CATIP: variants seen among roughly 807,000 people sequenced by gnomAD.
The protein encoded by CATIP is ciliogenesis associated TTC17 interacting protein.
In CATIP, 40 loss-of-function variants were observed where a neutral mutation model predicts 42.5. The observed-to-expected ratio is 0.94, with a 90% CI of 0.73 to 1.22. The LOEUF is 1.22. Among genes scored for constraint, CATIP ranks in the 50% most tolerant of loss-of-function variants. The pLI, the probability that CATIP is intolerant of heterozygous loss-of-function variation, is 0.00. For missense variants in CATIP, 489 were observed against 496.0 expected, an observed-to-expected ratio of 0.99 and a Z score of 0.13; for synonymous variants, 222 against 200.2, an observed-to-expected ratio of 1.11 and a Z score of -0.92.
intron 4 of CATIP, among the ~76,000 whole-genome samples, 174 bp downstream of exon 4, chr2:218,358,266 T>C (rs1695108303): frequency 1.3e-5 from 2 of 152,178 alleles, no homozygotes; most frequent in African/African-American, 2.4e-5. Flanking sequence ...TTCAGAAAAC[T>C]GATTTTAAAA....
Position 218,357,683 on chromosome 2 carries a change from G to A in CATIP, c.268G>A (p.Ala90Thr), listed in dbSNP as rs759205178. Residue 90 changes from alanine (A) to threonine (T), a missense_variant, in exon 3 of 10, where the codon GCC (alanine) becomes ACC (threonine). Ala to Thr is a moderately conservative substitution (Grantham distance 58, BLOSUM62 0). Transcript: ENST00000289388. ...GMLTYCLFVH[A>T]SSRGFLDKML... is the part of the protein sequence containing the mutation. ...GCTGACATACTGCCTCTTCGTGCAT[G>A]CCTCTAGCCGAGGCTTCTTGGACAA... 1 of 1,614,060 alleles carries A rather than the reference G, an allele frequency of 6.2e-7. No individual in the cohort carries two copies. Among genetic ancestry groups the A allele is most frequent in the Non-Finnish European group, 8.5e-7 (1 of 1,180,016 alleles).
At chr2:218,366,915 C>T (rs1695463044) in intron 7 of CATIP, 109 bp from the exon 8 acceptor site, 1 of 842,096 alleles carries the variant, frequency 1.2e-6, no homozygotes, top group South Asian at 1.4e-5. Flanking sequence ...ATGACCTCCC[C>T]AAAGCCCCTA....
At chr2:218,366,189 T>C (rs1695430970) in intron 7 of CATIP, 1 of 152,246 alleles carries the variant, frequency 6.6e-6, no homozygotes, top group African/African-American at 2.4e-5. Flanking sequence ...AGGGATGCAA[T>C]CTTGGCTCAC....
intron 6 of CATIP, among the ~76,000 whole-genome samples, chr2:218,363,916 C>T (rs1359001348): frequency 6.6e-6 from 1 of 152,118 alleles, no homozygotes; most frequent in African/African-American, 2.4e-5. Flanking sequence ...AAGGGTGTTC[C>T]GTTTTTGTTT....
Position 218,367,020 on chromosome 2 carries a change from C to T in CATIP, c.756-4C>T, listed in dbSNP as rs1326741134. On this transcript the variant is annotated splice_polypyrimidine_tract_variant and splice_region_variant and intron_variant, in intron 7 of 9. Coordinates refer to ENST00000289388, the MANE Select transcript of CATIP (RefSeq NM_198559.2). Reference sequence around the variant, plus strand: ...TCACTCTCACATGTTGTGTTGCACTCCAGGCACCTGGCCAAGAGAATACAG... The same window carrying T: ...TCACTCTCACATGTTGTGTTGCACTTCAGGCACCTGGCCAAGAGAATACAG... 6.2e-7 allele frequency: 1 copy of T among 1,612,878 alleles called. No homozygotes were observed. The highest frequency in any genetic ancestry group is 1.7e-5 in the Admixed American group (1 of 60,016).
At chr2:218,361,217 A>G (rs1695222885) in intron 5 of CATIP, among the ~76,000 whole-genome samples, 1 of 152,078 alleles carries the variant, frequency 6.6e-6, no homozygotes, top group South Asian at 2.1e-4. Flanking sequence ...ACGTAAAAAT[A>G]CAAAAAATTA....
intron 4 of CATIP, among the ~76,000 whole-genome samples, chr2:218,358,839 G>A (rs1362282654): frequency 6.8e-6 from 1 of 147,638 alleles, no homozygotes; most frequent in Admixed American, 6.9e-5. Context: ...AGCAATGTGC[G>A]TGCCACTGTA....
At chr2:218,366,765 A>G (rs2106319192) in intron 7 of CATIP, 2 of 448,744 alleles carry the variant, frequency 4.5e-6, no homozygotes, top group East Asian at 4.6e-5. Context: ...GCTTGCAGAC[A>G]AGTGCCTTCT....
At chr2:218,363,621 G>A (rs1041820289) in intron 6 of CATIP, among the ~76,000 whole-genome samples, 1 of 152,034 alleles carries the variant, frequency 6.6e-6, no homozygotes, top group Non-Finnish European at 1.5e-5. Flanking sequence ...TGGCCAACAT[G>A]GTGAAACCCT....
rs1695077279 is a variant in CATIP at position 218,357,617 on chromosome 2, A to G, written c.202A>G (p.Ile68Val). The G allele has an allele frequency of 6.2e-7, 1 of 1,614,080 alleles. No individual in the cohort carries two copies. Among genetic ancestry groups the G allele is most frequent in the Non-Finnish European group, 8.5e-7 (1 of 1,179,984 alleles). ...CGGGGAGCCTCAGGGAGAGCTGACC[A>G]TTGAGGTGCAGAGAGGGAAATACCA... is the stretch of plus-strand genomic sequence containing the variant. ...DTGEPQGELT[I>V]EVQRGKYQEK... Residue 68 changes from isoleucine (I) to valine (V), a missense_variant, in exon 3 of 10, where the codon ATT (isoleucine) becomes GTT (valine). By Grantham distance (29) the Ile-to-Val change is conservative. Transcript: ENST00000289388.
chr2:218,359,917 C>T (rs567604937), intron 4 of CATIP, among the ~76,000 whole-genome samples: 2 of 152,036 alleles, frequency 1.3e-5, no homozygotes, highest in South Asian at 2.1e-4. Context: ...CTTCACCTTC[C>T]GGGTTCAAGC....
At chr2:218,362,648 C>A in intron 5 of CATIP, 87 bp from the exon 6 acceptor site, 1 of 1,329,624 alleles carries the variant, frequency 7.5e-7, no homozygotes, top group Non-Finnish European at 1.0e-6. Context: ...AAAAACAAAA[C>A]CGTATGCCCA....
intron 4 of CATIP, among the ~76,000 whole-genome samples, chr2:218,359,883 T>C (rs1695175970): frequency 6.6e-6 from 1 of 152,038 alleles, no homozygotes; most frequent in African/African-American, 2.4e-5. Flanking sequence ...TGGAATGCAG[T>C]GGTGCAATCT....
chr2:218,362,391 A>T (rs1182364960), intron 5 of CATIP, among the ~76,000 whole-genome samples: 1 of 149,394 alleles, frequency 6.7e-6, no homozygotes, highest in Non-Finnish European at 1.5e-5. Context: ...TGTAATCCCA[A>T]CACTTTGGGA....
intron 7 of CATIP, chr2:218,365,872 T>C (rs1253691363): frequency 1.3e-5 from 2 of 152,192 alleles, no homozygotes; most frequent in Non-Finnish European, 2.9e-5. Context: ...CTGGAATGTG[T>C]GGCATAATCT....
At chr2:218,360,501 T>C (rs538881275) in intron 4 of CATIP, 72 bp from the exon 5 acceptor site, 67 of 1,158,126 alleles carry the variant, frequency 5.8e-5, no homozygotes, top group Non-Finnish European at 7.7e-5. Context: ...TTCTCATTAA[T>C]GGAGAAGGGT....
chr2:218,367,730 CCGGCT>C lies in CATIP; in HGVS notation c.935_939del (p.Leu312ProfsTer?). 1 of 1,597,434 alleles carries C rather than the reference CCGGCT, an allele frequency of 6.3e-7. No individual in the cohort carries two copies. Among genetic ancestry groups the C allele is most frequent in the Non-Finnish European group, 8.5e-7 (1 of 1,175,274 alleles). On this transcript the variant is annotated frameshift_variant, in exon 10 of 10. Transcript: ENST00000289388. LOFTEE classifies it low-confidence loss of function (END_TRUNC). ...GCTCTGTCCCCTGCCAGGAGGAGCT[CCGGCT>C]CGGCCACGCCAGCTATCTGCGGCAG...
intron 6 of CATIP, among the ~76,000 whole-genome samples, chr2:218,363,999 A>AT (rs575219792): frequency 6.6e-5 from 10 of 152,078 alleles, no homozygotes; most frequent in Non-Finnish European, 1.5e-4. Flanking sequence ...TTTTAAAGCC[A>AT]TGCCACTGAA....
intron 6 of CATIP, 120 bp downstream of exon 6, chr2:218,363,022 A>G: frequency 1.0e-6 from 1 of 963,846 alleles, no homozygotes; most frequent in East Asian, 2.6e-5. Context: ...AGAAAACAGC[A>G]CAGGTGGGAA....
Sources: allele counts gnomAD v4.1 joint callset (sites outside exome capture counted in the v4.1 genomes callset), GRCh38; gene constraint gnomAD v4.1.1; transcripts MANE v1.5; gene names NCBI Gene and HGNC (gene_info 2026-07-23, HGNC 2026-07-21).